Variants in MX1 observed in about 807,000 individuals in gnomAD.
MX1 encodes interferon-induced GTP-binding protein Mx1.
MX1 carries 66 observed loss-of-function variants against 66.4 expected under a neutral mutation model. That is an observed-to-expected ratio of 0.99 (90% CI 0.82 to 1.22). MX1 has a LOEUF of 1.22. Among genes scored for constraint, MX1 ranks in the 50% most tolerant of loss-of-function variants. MX1 has a pLI of 0.00. For missense variants in MX1, 787 were observed against 834.3 expected (o/e 0.94, Z 0.70); for synonymous variants, 311 against 318.1 (o/e 0.98, Z 0.24).
upstream of MX1, among the ~76,000 whole-genome samples, chr21:41,424,279 C>T (rs562726389): frequency 6.8e-6 from 1 of 147,562 alleles, no homozygotes; most frequent in African/African-American, 2.6e-5. Context: ...GAGGTCATTG[C>T]TAATTCCTGG....
chr21:41,446,430 G>A (rs364203), intron 13 of MX1, among the ~76,000 whole-genome samples: 79,740 of 151,792 alleles, frequency 0.53, 21,497 homozygotes, highest in Non-Finnish European at 0.6. Flanking sequence ...CAGACAAAAA[G>A]AATATTGCAA....
intron 11 of MX1, 48 bp from the exon 12 acceptor site, chr21:41,445,400 T>C (rs2090632223): frequency 6.2e-7 from 1 of 1,606,858 alleles, no homozygotes; most frequent in Non-Finnish European, 8.5e-7. Context: ...CTTTTCATTC[T>C]CTGTTCATCT....
intron 3 of MX1, chr21:41,428,408 A>C (rs1198656169): frequency 1.3e-5 from 2 of 152,252 alleles, no homozygotes; most frequent in Non-Finnish European, 2.9e-5. Flanking sequence ...CCCACAGTGG[A>C]GGCTCTGGAG....
intron 3 of MX1, chr21:41,429,187 A>G (rs2090144845): frequency 6.6e-6 from 1 of 152,284 alleles, no homozygotes; most frequent in South Asian, 2.1e-4. Flanking sequence ...CTGGATGCCA[A>G]GTTCCATGGA....
At chr21:41,451,357 C>T (rs539073049) in intron 15 of MX1, 114 bp downstream of exon 15, 2 of 739,124 alleles carry the variant, frequency 2.7e-6, no homozygotes, top group African/African-American at 1.8e-5. Flanking sequence ...ACTTTTAGAA[C>T]AGCAAATAAC....
At chr21:41,453,636 T>C (rs2090889047) in intron 16 of MX1, among the ~76,000 whole-genome samples, 1 of 152,220 alleles carries the variant, frequency 6.6e-6, no homozygotes, top group African/African-American at 2.4e-5. Context: ...ACCATGGCTC[T>C]GGGAACAGTC....
At position 41,441,211 on chromosome 21, in the gene MX1, G is replaced by C; in HGVS notation, c.730+186G>C. On this transcript the variant is annotated intron_variant, in intron 9 of 16. Coordinates refer to ENST00000398598, the MANE Select transcript of MX1 (RefSeq NM_002462.5). This position sits in a 1 kb window ranked among gnomAD's most constrained non-coding sequence, Gnocchi z 4.0. Reference sequence around the variant, plus strand: ...GCAAGCGTCCCTCCAGTCTCCATGGGCTTTGCTCAGTGGGGACCTGCCTCC... The same window carrying C: ...GCAAGCGTCCCTCCAGTCTCCATGGCCTTTGCTCAGTGGGGACCTGCCTCC... 1.1e-6 allele frequency: 1 copy of C among 885,960 alleles called. No individual in the cohort carries two copies. Among genetic ancestry groups the C allele is most frequent in the East Asian group, 2.7e-5 (1 of 36,984 alleles). The allele number at this position is 885,960 out of a possible 1,614,324, so 54.9% of individuals were successfully genotyped here.
intron 3 of MX1, chr21:41,428,605 T>C (rs894845953): frequency 4.6e-5 from 7 of 152,242 alleles, no homozygotes; most frequent in African/African-American, 1.4e-4. Context: ...CCCTTGTCGC[T>C]TTTGCGATCC....
intron 4 of MX1, among the ~76,000 whole-genome samples, chr21:41,431,481 A>ATTTT (rs57746167): frequency 0.011 from 1,574 of 148,186 alleles, 13 homozygotes; most frequent in East Asian, 0.024. Context: ...GGCATATTCT[A>ATTTT]TTTTTTTTTT....
upstream of MX1, chr21:41,421,458 C>T (rs1441598313): frequency 6.4e-6 from 1 of 155,170 alleles, no homozygotes; most frequent in East Asian, 1.9e-4. Flanking sequence ...TTTCCCTTCC[C>T]ACGAGGCCGT....
chr21:41,439,786 A>AT lies in MX1; in HGVS notation c.530dup (p.Asp178ArgfsTer16), dbSNP rs766155908. The stretch of plus-strand genomic sequence containing the variant: ...CCGAGATGTCCCGGATCTGACTCTA[A>AT]TAGACCTTCCTGGCATAACCAGAGT... On this transcript the variant is annotated frameshift_variant, in exon 8 of 17. Transcript: ENST00000398598. LOFTEE classifies it high-confidence loss of function. 5.0e-5 allele frequency: 80 copies of AT among 1,613,882 alleles called. No individual in the cohort carries two copies. Among genetic ancestry groups the AT allele is most frequent in the Non-Finnish European group, 6.5e-5 (77 of 1,180,002 alleles).
upstream of MX1, among the ~76,000 whole-genome samples, chr21:41,424,221 G>A (rs573845371): frequency 1.9e-3 from 251 of 132,226 alleles, 1 homozygote; most frequent in African/African-American, 6.3e-3. Context: ...GGCCCAGAGG[G>A]GTTGAGTGTG....
At chr21:41,431,479 C>CTTT (rs2090210298) in intron 4 of MX1, among the ~76,000 whole-genome samples, 3 of 96,338 alleles carry the variant, frequency 3.1e-5, no homozygotes, top group African/African-American at 1.2e-4. Context: ...GAGGCATATT[C>CTTT]TATTTTTTTT....
chr21:41,445,530 T>TA lies in MX1; in HGVS notation c.1092dup (p.Pro365ThrfsTer6). 1 of 1,614,196 alleles carries TA rather than the reference T, an allele frequency of 6.2e-7. No homozygotes were observed. The highest frequency in any genetic ancestry group is 8.5e-7 in the Non-Finnish European group (1 of 1,180,026). On this transcript the variant is annotated frameshift_variant, in exon 12 of 17. Transcript: ENST00000398598. LOFTEE classifies it high-confidence loss of function. ...GAGCTACAAAAGTATGGTGTCGACATACCGGAAGACGAAAATGAAAAAATG... is the reference window on the plus strand; with the variant it reads ...GAGCTACAAAAGTATGGTGTCGACATAACCGGAAGACGAAAATGAAAAAATG...
At chr21:41,425,318 G>A (rs959729155), upstream of MX1, among the ~76,000 whole-genome samples, 6 of 152,190 alleles carry the variant, frequency 3.9e-5, no homozygotes, top group Non-Finnish European at 5.9e-5. Context: ...TTGTTCTCTG[G>A]TGGGCAGGGG....
chr21:41,455,651 G>A (rs554223930), intron 16 of MX1, among the ~76,000 whole-genome samples: 4 of 152,336 alleles, frequency 2.6e-5, no homozygotes, highest in East Asian at 1.9e-4. Context: ...AGGAGTGGAC[G>A]TGCTGCTCTG....
chr21:41,441,711 C>G lies in MX1; in HGVS notation c.731-5C>G. Reference sequence around the variant, plus strand: ...GTTCTCTCCCCAAATACATCTGGCTCGCAGGAATCTTGACGAAGCCTGATC... The same window carrying G: ...GTTCTCTCCCCAAATACATCTGGCTGGCAGGAATCTTGACGAAGCCTGATC... On this transcript the variant is annotated splice_region_variant and splice_polypyrimidine_tract_variant and intron_variant, in intron 9 of 16. Coordinates refer to ENST00000398598, the MANE Select transcript of MX1 (RefSeq NM_002462.5). The surrounding 1 kb of genome is among the most constrained non-coding windows in gnomAD (Gnocchi z 4.0). 6.2e-7 allele frequency: 1 copy of G among 1,614,084 alleles called. No individual in the cohort carries two copies. The highest frequency in any genetic ancestry group is 1.1e-5 in the South Asian group (1 of 91,082).
intron 7 of MX1, among the ~76,000 whole-genome samples, chr21:41,439,120 A>C (rs1398389976): frequency 1.3e-5 from 2 of 150,986 alleles, no homozygotes; most frequent in Non-Finnish European, 1.5e-5. Flanking sequence ...ATTGATATCA[A>C]ACATCCCAAA....
Position 41,451,261 on chromosome 21 carries a change from T to G in MX1, c.1509+18T>G, listed in dbSNP as rs775154577. The G allele has an allele frequency of 1.3e-6, 2 of 1,517,284 alleles. No homozygotes were observed. Among genetic ancestry groups the G allele is most frequent in the South Asian group, 2.4e-5 (2 of 83,758 alleles). 94.0% of individuals were successfully genotyped at this position (1,517,284 alleles called of 1,614,324 possible). A position where few individuals can be genotyped will look rare whatever the true frequency, so the allele number is the denominator to read the frequency against. ...CCGCCAAGGTAAAACCAACCATGTG[T>G]TGTTTAAAAAAAAAAAAGAAAAGAA... On this transcript the variant is annotated intron_variant, in intron 15 of 16. Coordinates refer to ENST00000398598, the MANE Select transcript of MX1 (RefSeq NM_002462.5).
Sources: gnomAD v4.1 joint callset for allele counts (sites outside exome capture counted in the v4.1 genomes callset) on GRCh38, gnomAD v4.1.1 for gene constraint, Gnocchi (gnomAD v3.1) non-coding constraint, MANE v1.5 for transcripts, NCBI Gene and HGNC (gene_info 2026-07-23, HGNC 2026-07-21) for gene names.